SAP130: variants seen among roughly 807,000 people sequenced by gnomAD.
SAP130 encodes the protein Sin3A associated protein 130.
In SAP130, 16 loss-of-function variants were observed where a neutral mutation model predicts 103.2. The observed-to-expected ratio is 0.16, with a 90% CI of 0.10 to 0.24. The LOEUF is 0.24. Among genes scored for constraint, SAP130 ranks in the 10% least tolerant of loss-of-function variants. The pLI is 1.00. For missense variants in SAP130, 990 were observed against 1,359.7 expected, an observed-to-expected ratio of 0.73 and a Z score of 4.28; for synonymous variants, 477 against 497.0, an observed-to-expected ratio of 0.96 and a Z score of 0.53.
At chr2:127,977,053 C>T (rs1681512804) in intron 15 of SAP130, among the ~76,000 whole-genome samples, 1 of 152,064 alleles carries the variant, frequency 6.6e-6, no homozygotes. Flanking sequence ...TGTTACCAGT[C>T]AACATTATTC....
chr2:128,000,175 T>G, intron 8 of SAP130, 29 bp from the exon 9 acceptor site: 1 of 1,611,714 alleles, frequency 6.2e-7, no homozygotes, highest in Non-Finnish European at 8.5e-7. Context: ...AACACAGTTA[T>G]AAGAACATTA....
intron 15 of SAP130, among the ~76,000 whole-genome samples, chr2:127,960,792 T>C (rs1680186946): frequency 6.6e-6 from 1 of 152,142 alleles, no homozygotes; most frequent in Non-Finnish European, 1.5e-5. Context: ...AATGAACCAT[T>C]ATTTTGTGCA....
At chr2:128,026,788 C>A (rs1277786159) in intron 1 of SAP130, among the ~76,000 whole-genome samples, 1 of 152,266 alleles carries the variant, frequency 6.6e-6, no homozygotes, top group Non-Finnish European at 1.5e-5. Flanking sequence ...AAGGAATTCT[C>A]CAATGCTTTT....
chr2:127,993,139 T>C lies in SAP130; in HGVS notation c.1477+48A>G, dbSNP rs752844821. On this transcript the variant is annotated intron_variant, in intron 12 of 20. Coordinates refer to ENST00000643581, the MANE Select transcript of SAP130 (RefSeq NM_001330301.2). ...CCCTCATCAATTTCTACATTATTGT[T>C]GGCAAAAGTTAAACTGTGAAAAGTC... The C allele has an allele frequency of 3.7e-6, 6 of 1,604,742 alleles. No individual in the cohort carries two copies. In the Admixed American group the frequency reaches 1.0e-4, roughly 27 times the overall value.
chr2:128,022,791 AT>A (rs1354607647), intron 2 of SAP130, among the ~76,000 whole-genome samples: 1 of 152,024 alleles, frequency 6.6e-6, no homozygotes. Flanking sequence ...CTTAAAAAAA[AT>A]CAGGTTGTTT....
chr2:127,984,533 G>C (rs1682233471), intron 14 of SAP130, among the ~76,000 whole-genome samples: 1 of 152,186 alleles, frequency 6.6e-6, no homozygotes, highest in African/African-American at 2.4e-5. Flanking sequence ...GTCCACTGTA[G>C]GGTAATCTAA....
At chr2:128,024,870 C>T (rs1314468904) in intron 2 of SAP130, among the ~76,000 whole-genome samples, 2 of 151,782 alleles carry the variant, frequency 1.3e-5, no homozygotes, top group Non-Finnish European at 2.9e-5. Context: ...CAGAGTGACA[C>T]TCTGTCTCAA....
intron 15 of SAP130, among the ~76,000 whole-genome samples, chr2:127,976,864 G>A (rs1681497465): frequency 6.6e-6 from 1 of 152,128 alleles, no homozygotes; most frequent in Non-Finnish European, 1.5e-5. Context: ...GAGGGCCACT[G>A]CACTCCAGCC....
At chr2:128,027,106 C>A (rs1685562572) in intron 1 of SAP130, 1 of 1,418,176 alleles carries the variant, frequency 7.1e-7, no homozygotes. Context: ...AGCCGCCGCC[C>A]GCCGCCCGCA....
At chr2:128,023,329 A>T (rs1685278461) in intron 2 of SAP130, among the ~76,000 whole-genome samples, 1 of 152,124 alleles carries the variant, frequency 6.6e-6, no homozygotes, top group Non-Finnish European at 1.5e-5. Context: ...TGCTGTAGAA[A>T]CGGGGATTTG....
chr2:127,957,148 T>G (rs999633836), intron 15 of SAP130, among the ~76,000 whole-genome samples: 1 of 151,928 alleles, frequency 6.6e-6, no homozygotes, highest in South Asian at 2.1e-4. Context: ...AAAAATTTTT[T>G]TTAATTAGCC....
chr2:127,985,315 A>C (rs1457357310), intron 14 of SAP130, among the ~76,000 whole-genome samples: 1 of 152,216 alleles, frequency 6.6e-6, no homozygotes, highest in Non-Finnish European at 1.5e-5. Flanking sequence ...ATAAACAGCA[A>C]AGATAGGGAC....
At chr2:127,984,121 C>T (rs1164251464) in intron 14 of SAP130, among the ~76,000 whole-genome samples, 2 of 151,938 alleles carry the variant, frequency 1.3e-5, no homozygotes, top group Non-Finnish European at 2.9e-5. Context: ...TTTTGTTCCA[C>T]GTTTGAGATT....
At chr2:127,961,141 C>A (rs920241840) in intron 15 of SAP130, among the ~76,000 whole-genome samples, 1 of 151,530 alleles carries the variant, frequency 6.6e-6, no homozygotes, top group South Asian at 2.1e-4. Flanking sequence ...AGGTGTGCAC[C>A]ACCACACCCA....
Position 127,996,876 on chromosome 2 carries a change from C to T in SAP130, c.1214-385G>A, listed in dbSNP as rs1040618045. 6.6e-6 allele frequency among the ~76,000 whole-genome samples: 1 copy of T among 151,954 alleles called. No homozygotes were observed. Among genetic ancestry groups the T allele is most frequent in the Non-Finnish European group, 1.5e-5 (1 of 67,998 alleles). On this transcript the variant is annotated intron_variant, in intron 10 of 20. Coordinates refer to ENST00000643581, the MANE Select transcript of SAP130 (RefSeq NM_001330301.2). This position sits in a 1 kb window ranked among gnomAD's most constrained non-coding sequence, Gnocchi z 4.3. ...AGGCTACAGTGAGCCATGACTGCAC[C>T]ACTATACTCCAGCCTCACTCACAGA...
At chr2:127,988,170 C>T (rs763642190) in intron 13 of SAP130, among the ~76,000 whole-genome samples, 3 of 152,150 alleles carry the variant, frequency 2.0e-5, no homozygotes, top group Non-Finnish European at 2.9e-5. Context: ...TGCCTGCAAT[C>T]GCAGCACTTT....
chr2:127,986,086 C>A lies in SAP130; in HGVS notation c.1958+699G>T, dbSNP rs769956107. Among the ~76,000 whole-genome samples, 2 of 152,228 alleles carry A rather than the reference C, an allele frequency of 1.3e-5. No homozygotes were observed. The highest frequency in any genetic ancestry group is 4.8e-5 in the African/African-American group (2 of 41,466). On this transcript the variant is annotated intron_variant, in intron 14 of 20. Coordinates refer to ENST00000643581, the MANE Select transcript of SAP130 (RefSeq NM_001330301.2). The surrounding 1 kb of genome is among the most constrained non-coding windows in gnomAD (Gnocchi z 4.7). The stretch of plus-strand genomic sequence containing the variant: ...ACCCTACACTCATTCTCCAAGCCCA[C>A]GTGTGATCCCATTCTTCCAGTACAC...
intron 15 of SAP130, among the ~76,000 whole-genome samples, chr2:127,968,381 G>A (rs1289744824): frequency 1.3e-5 from 2 of 148,924 alleles, no homozygotes; most frequent in Non-Finnish European, 3.0e-5. Flanking sequence ...AAAGTGTTGA[G>A]ATTACAGACG....
At position 128,010,262 on chromosome 2, in the gene SAP130, T is replaced by C. The variant is rs369020083; in HGVS notation, c.869+7A>G. On this transcript the variant is annotated splice_region_variant and intron_variant, in intron 7 of 20. Transcript: ENST00000643581. ...GAAGGTTCAAACTTCATACTCCCCATGTATACCTAAGTGCTGAATCAGTAG... is the reference window on the plus strand; with the variant it reads ...GAAGGTTCAAACTTCATACTCCCCACGTATACCTAAGTGCTGAATCAGTAG... The C allele has an allele frequency of 6.8e-6, 11 of 1,612,454 alleles. No individual in the cohort carries two copies. The highest frequency in any genetic ancestry group is 9.3e-6 in the Non-Finnish European group (11 of 1,179,204).
Sources: allele counts gnomAD v4.1 joint callset (sites outside exome capture counted in the v4.1 genomes callset), GRCh38; gene constraint gnomAD v4.1.1; non-coding constraint Gnocchi (gnomAD v3.1); transcripts MANE v1.5; gene names NCBI Gene and HGNC (gene_info 2026-07-23, HGNC 2026-07-21).